The following KLHL25 variants were observed in gnomAD, a reference collection of about 807,000 sequenced individuals.
KLHL25 encodes the protein kelch-like protein 25.
KLHL25 carries 41 observed loss-of-function variants against 30.0 expected under a neutral mutation model. That is an observed-to-expected ratio of 1.37 (90% CI 1.07 to 1.78). KLHL25 has a LOEUF of 1.78. Ranked by LOEUF, KLHL25 falls within the 40% of genes most tolerant of loss-of-function variation. KLHL25 has a pLI of 0.00. For missense variants in KLHL25, 971 were observed against 824.5 expected (o/e 1.18, Z -2.18); for synonymous variants, 399 against 355.3 (o/e 1.12, Z -1.38).
chr15:85,774,416 G>A (rs1244977431), intron 1 of KLHL25, among the ~76,000 whole-genome samples: 1 of 152,120 alleles, frequency 6.6e-6, no homozygotes, highest in Non-Finnish European at 1.5e-5. Context: ...GTAACAATGT[G>A]CCCAGCATCC....
At chr15:85,785,953 G>T (rs1219221725) in intron 1 of KLHL25, among the ~76,000 whole-genome samples, 3 of 141,986 alleles carry the variant, frequency 2.1e-5, no homozygotes, top group Non-Finnish European at 4.5e-5. Flanking sequence ...CCCAGCAAAG[G>T]CAGCCGACCC....
intron 1 of KLHL25, among the ~76,000 whole-genome samples, chr15:85,782,790 C>A (rs562628677): frequency 1.2e-4 from 18 of 152,290 alleles, no homozygotes; most frequent in Admixed American, 9.2e-4. Context: ...GCCCTCTGTG[C>A]CTTTGCTGCA....
At position 85,768,848 on chromosome 15, in the gene KLHL25, G is replaced by A. The variant is rs1354844278; in HGVS notation, c.963C>T (p.Ile321=). The A allele has an allele frequency of 4.3e-6, 7 of 1,613,396 alleles. No homozygotes were observed. The highest frequency in any genetic ancestry group is 5.9e-6 in the Non-Finnish European group (7 of 1,180,052). The change falls in exon 2 of 3, where the codon ATC becomes ATT. Residue 321 remains isoleucine, a synonymous_variant. Transcript: ENST00000337975. The part of the protein sequence containing the change: ...YQVDHKAKEI[I]PKADLPSPRK... ...GGGGGCTGGGCAGGTCGGCCTTGGG[G>A]ATGATCTCCTTGGCCTTGTGGTCCA...
At position 85,768,599 on chromosome 15, in the gene KLHL25, C is replaced by T. The variant is rs747512642; in HGVS notation, c.1212G>A (p.Pro404=). 3.5e-5 allele frequency: 56 copies of T among 1,610,404 alleles called. No individual in the cohort carries two copies. The highest frequency in any genetic ancestry group is 1.5e-4 in the Admixed American group (9 of 59,932). Residue 404 remains proline (P), a synonymous_variant, in exon 2 of 3, where the codon CCG becomes CCA. Coordinates refer to ENST00000337975, the MANE Select transcript of KLHL25 (RefSeq NM_022480.4). The stretch of plus-strand genomic sequence containing the variant: ...GTTTCAGGGAGACAGAAGGCGAGGC[C>T]GGGAAGACCCCTGCCAGGGATGTGT... ...GGHTSLAGVF[P]ASPSVSLKQV...
At chr15:85,790,547 T>C (rs996313121) in intron 1 of KLHL25, among the ~76,000 whole-genome samples, 3 of 152,184 alleles carry the variant, frequency 2.0e-5, no homozygotes, top group Non-Finnish European at 2.9e-5. Context: ...AATAGAAGTA[T>C]TATACAGGAG....
chr15:85,775,222 C>A (rs971353273), intron 1 of KLHL25, among the ~76,000 whole-genome samples: 2 of 152,284 alleles, frequency 1.3e-5, no homozygotes, highest in East Asian at 3.9e-4. Flanking sequence ...GTGTACCAGT[C>A]TCTGGGTTAG....
intron 1 of KLHL25, among the ~76,000 whole-genome samples, chr15:85,781,992 T>C (rs915937385): frequency 6.6e-6 from 1 of 151,788 alleles, no homozygotes; most frequent in Non-Finnish European, 1.5e-5. Flanking sequence ...TGGCCCTGCC[T>C]GCTCCTCCCT....
chr15:85,792,684 A>T (rs1234763442), intron 1 of KLHL25, among the ~76,000 whole-genome samples: 1 of 152,300 alleles, frequency 6.6e-6, no homozygotes, highest in African/African-American at 2.4e-5. Flanking sequence ...ACCTGTGCCT[A>T]TCTTGAGGCT....
rs11635081 is a variant in KLHL25, at chr15:85,761,029, G to A, written c.*25-18C>T. On this transcript the variant is annotated intron_variant, in intron 2 of 2. Transcript: ENST00000337975. ...GCCGCGGTCTGTGGAGGGAGGAGAG[G>A]AAGAGAAAATCAATCAGTGGCCACA... The A allele has an allele frequency of 0.2, 29,855 of 152,352 alleles. 3,947 individuals carry two copies. Among genetic ancestry groups the A allele is most frequent in the Middle Eastern group, 0.4 (117 of 294 alleles). The allele number at this position is 152,352 out of a possible 1,614,324, so 9.4% of individuals were successfully genotyped here. A position where few individuals can be genotyped will look rare whatever the true frequency, so the allele number is the denominator to read the frequency against.
intron 1 of KLHL25, among the ~76,000 whole-genome samples, chr15:85,778,123 T>C (rs1253729448): frequency 6.6e-6 from 1 of 152,204 alleles, no homozygotes; most frequent in African/African-American, 2.4e-5. Flanking sequence ...TAATGAGTGT[T>C]CTCATCAATC....
chr15:85,788,799 G>C (rs763003781), intron 1 of KLHL25, among the ~76,000 whole-genome samples: 1 of 152,212 alleles, frequency 6.6e-6, no homozygotes, highest in African/African-American at 2.4e-5. Flanking sequence ...TTCTCCCTCA[G>C]ATTTCCAAGC....
intron 1 of KLHL25, among the ~76,000 whole-genome samples, chr15:85,777,105 C>G (rs1243435273): frequency 6.6e-6 from 1 of 152,160 alleles, no homozygotes; most frequent in East Asian, 1.9e-4. Flanking sequence ...GCCTCCTGCA[C>G]AGGAATGGGC....
In KLHL25 at chr15:85,789,387, C is replaced by CT. The variant is rs5814216; in HGVS notation, c.-11+5378dup. Among the ~76,000 whole-genome samples the CT allele has an allele frequency of 9.9e-3, 1,454 of 147,018 alleles. 13 individuals carry two copies. Among genetic ancestry groups the CT allele is most frequent in the Middle Eastern group, 0.014 (4 of 282 alleles). On this transcript the variant is annotated intron_variant, in intron 1 of 2. Coordinates refer to ENST00000337975, the MANE Select transcript of KLHL25 (RefSeq NM_022480.4). This position sits in a 1 kb window ranked among gnomAD's most constrained non-coding sequence, Gnocchi z 4.1. ...GCCCTGCTGGGCTCCCTTGAGATCC[C>CT]TTTTTTTTTTTTTGACAGAATTTTA... is the stretch of plus-strand genomic sequence containing the variant.
chr15:85,765,899 G>A (rs2089620988), intron 2 of KLHL25, among the ~76,000 whole-genome samples: 1 of 151,934 alleles, frequency 6.6e-6, no homozygotes, highest in African/African-American at 2.4e-5. Context: ...TATTCAGGCT[G>A]GCCTCTGTGA....
At chr15:85,764,803 G>A (rs1437819990) in intron 2 of KLHL25, among the ~76,000 whole-genome samples, 1 of 152,200 alleles carries the variant, frequency 6.6e-6, no homozygotes, top group Non-Finnish European at 1.5e-5. Context: ...TTCTGAAACT[G>A]GCAATCACTT....
intron 1 of KLHL25, among the ~76,000 whole-genome samples, chr15:85,786,355 G>C (rs1386611738): frequency 2.0e-5 from 3 of 152,164 alleles, no homozygotes; most frequent in Admixed American, 1.3e-4. Flanking sequence ...GAAGGGTGGG[G>C]AGAGCCTGGC....
intron 1 of KLHL25, among the ~76,000 whole-genome samples, chr15:85,793,268 C>T (rs188645030): frequency 1.4e-3 from 210 of 152,298 alleles, no homozygotes; most frequent in Non-Finnish European, 2.6e-3. Context: ...ATACATAAAT[C>T]CAACTGCAGC....
rs751621353 is a variant in KLHL25 at position 85,768,162 on chromosome 15, T to TGG, written c.1647_1648dup (p.Gln550ProfsTer147). The TGG allele has an allele frequency of 6.2e-7, 1 of 1,614,238 alleles. No homozygotes were observed. The highest frequency in any genetic ancestry group is 8.5e-7 in the Non-Finnish European group (1 of 1,180,046). On this transcript the variant is annotated frameshift_variant, in exon 2 of 3. Transcript: ENST00000337975. LOFTEE classifies it low-confidence loss of function (END_TRUNC). ...ATAGCAGTCCAGAGTCTTACACCTC[T>TGG]GGGTCCCAAAGTAGCCCCCGACCAC... is the stretch of plus-strand genomic sequence containing the variant.
Position 85,759,600 on chromosome 15 carries a change from A to G in KLHL25, c.*1436T>C, listed in dbSNP as rs2089566143. The G allele has an allele frequency of 6.6e-6, 1 of 152,272 alleles. No homozygotes were observed. Among genetic ancestry groups the G allele is most frequent in the Admixed American group, 6.5e-5 (1 of 15,286 alleles). 9.4% of individuals were successfully genotyped at this position (152,272 alleles called of 1,614,324 possible). On this transcript the variant is annotated 3_prime_UTR_variant, in exon 3 of 3. Transcript: ENST00000337975. ...CTACAGGGTCCAAGGAGCCCCATGC[A>G]GCCAGTGCCCCATGGCGGGCGTGTC...
Sources: allele counts gnomAD v4.1 joint callset (sites outside exome capture counted in the v4.1 genomes callset), GRCh38; gene constraint gnomAD v4.1.1; non-coding constraint Gnocchi (gnomAD v3.1); transcripts MANE v1.5; gene names NCBI Gene and HGNC (gene_info 2026-07-23, HGNC 2026-07-21).